Variants in DPP10 observed in about 807,000 individuals in gnomAD.
DPP10 encodes inactive dipeptidyl peptidase 10.
In DPP10, 33 loss-of-function variants were observed where a neutral mutation model predicts 120.9. The observed-to-expected ratio is 0.27, with a 90% confidence interval of 0.21 to 0.37. The LOEUF (loss-of-function observed/expected upper bound fraction) is 0.37, where lower values mean the gene tolerates loss of function less well. Ranked by LOEUF, DPP10 falls within the 10% of genes least tolerant of loss-of-function variation. The pLI, the probability that DPP10 is intolerant of heterozygous loss-of-function variation, is 1.00. For missense variants in DPP10, 816 were observed against 942.8 expected (o/e 0.87, Z 1.76); for synonymous variants, 337 against 326.1 (o/e 1.03, Z -0.36).
chr2:115,291,298 C>T (rs2060644302), intron 1 of DPP10, among the ~76,000 whole-genome samples: 1 of 152,126 alleles, frequency 6.6e-6, no homozygotes, highest in South Asian at 2.1e-4. Context: ...GCCATGGCAT[C>T]CCACCTCTGC....
At chr2:115,266,136 T>A (rs1308999329) in intron 1 of DPP10, among the ~76,000 whole-genome samples, 2 of 152,174 alleles carry the variant, frequency 1.3e-5, no homozygotes, top group African/African-American at 4.8e-5. Context: ...TTAGAAGCTC[T>A]GTAATAGTTT....
chr2:114,452,418 A>G (rs897230932), intron 1 of DPP10, among the ~76,000 whole-genome samples: 1 of 152,188 alleles, frequency 6.6e-6, no homozygotes, highest in Non-Finnish European at 1.5e-5. Context: ...GGAAAAATTA[A>G]AGTGCATTTG....
intron 1 of DPP10, among the ~76,000 whole-genome samples, chr2:114,779,209 G>A (rs778545439): frequency 6.6e-6 from 1 of 152,180 alleles, no homozygotes; most frequent in Non-Finnish European, 1.5e-5. Flanking sequence ...TCCTGGATGT[G>A]GATGTGGACA....
chr2:115,005,832 G>A (rs1312923490), intron 1 of DPP10, among the ~76,000 whole-genome samples: 2 of 152,214 alleles, frequency 1.3e-5, no homozygotes, highest in African/African-American at 4.8e-5. Context: ...ATCTAGCAAG[G>A]CAGGCCAACA....
At chr2:114,963,168 C>A (rs1698772293) in intron 1 of DPP10, among the ~76,000 whole-genome samples, 1 of 152,098 alleles carries the variant, frequency 6.6e-6, no homozygotes, top group Non-Finnish European at 1.5e-5. Flanking sequence ...TAGTTACAAC[C>A]AGCTTTCAGG....
chr2:115,777,879 T>A, intron 15 of DPP10, 45 bp downstream of exon 15: 1 of 1,582,912 alleles, frequency 6.3e-7, no homozygotes, highest in East Asian at 2.2e-5. Context: ...GGCTTCTCAA[T>A]GGCTATCTAT....
intron 1 of DPP10, among the ~76,000 whole-genome samples, chr2:115,213,810 T>G (rs910366674): frequency 1.3e-5 from 2 of 152,116 alleles, no homozygotes; most frequent in Admixed American, 1.3e-4. Flanking sequence ...AATGAGAAGC[T>G]TAGGCCTATA....
intron 13 of DPP10, 71 bp from the exon 14 acceptor site, chr2:115,777,137 G>T: frequency 7.4e-7 from 1 of 1,346,856 alleles, no homozygotes; most frequent in Non-Finnish European, 1.1e-6. Flanking sequence ...ACAAGCAGTT[G>T]GTACATTCGT....
chr2:114,531,322 C>A (rs1685961417), intron 1 of DPP10, among the ~76,000 whole-genome samples: 1 of 151,988 alleles, frequency 6.6e-6, no homozygotes, highest in Non-Finnish European at 1.5e-5. Context: ...AAGAATTTCT[C>A]TGAAGACTTC....
At chr2:114,625,588 C>T (rs1694450318) in intron 1 of DPP10, among the ~76,000 whole-genome samples, 1 of 151,870 alleles carries the variant, frequency 6.6e-6, no homozygotes, top group African/African-American at 2.4e-5. Flanking sequence ...TTGATAATTA[C>T]CCTTTATTTA....
At chr2:115,513,110 G>A (rs747734233) in intron 4 of DPP10, among the ~76,000 whole-genome samples, 1 of 151,612 alleles carries the variant, frequency 6.6e-6, no homozygotes, top group Non-Finnish European at 1.5e-5. Context: ...TGATAGAATG[G>A]CCCTTTTATT....
chr2:115,761,260 G>A, intron 11 of DPP10, among the ~76,000 whole-genome samples: 1 of 152,018 alleles, frequency 6.6e-6, no homozygotes. Context: ...AAAAATTAAA[G>A]TAAAAATTTA....
At chr2:115,227,115 A>G (rs1246241676) in intron 1 of DPP10, among the ~76,000 whole-genome samples, 1 of 152,156 alleles carries the variant, frequency 6.6e-6, no homozygotes, top group African/African-American at 2.4e-5. Context: ...ACCTAACATC[A>G]AGATATTTGC....
intron 1 of DPP10, among the ~76,000 whole-genome samples, chr2:114,571,799 T>C (rs1301170864): frequency 2.7e-5 from 4 of 150,074 alleles, no homozygotes; most frequent in Non-Finnish European, 5.9e-5. Flanking sequence ...ACAATATTTA[T>C]ACTACATATA....
intron 1 of DPP10, among the ~76,000 whole-genome samples, chr2:114,454,997 G>C (rs142043543): frequency 6.6e-6 from 1 of 152,120 alleles, no homozygotes; most frequent in South Asian, 2.1e-4. Context: ...GCCATCCAAT[G>C]TGGGGAATGC....
chr2:114,574,181 C>A (rs2105035621), intron 1 of DPP10, among the ~76,000 whole-genome samples: 1 of 152,208 alleles, frequency 6.6e-6, no homozygotes, highest in South Asian at 2.1e-4. Context: ...TTTATATTAC[C>A]CGCCTCATGT....
intron 1 of DPP10, among the ~76,000 whole-genome samples, chr2:114,810,931 CAGAA>C (rs1558764729): frequency 6.6e-6 from 1 of 152,164 alleles, no homozygotes; most frequent in East Asian, 1.9e-4. Context: ...AGAGGCACAA[CAGAA>C]AGGGCACCAT....
intron 19 of DPP10, among the ~76,000 whole-genome samples, chr2:115,810,545 CCATA>C (rs1398901851): frequency 6.6e-6 from 1 of 152,010 alleles, no homozygotes; most frequent in African/African-American, 2.4e-5. Flanking sequence ...GTGAACTCAT[CCATA>C]CAGACACATT....
chr2:115,789,250 G>A (rs6740575), intron 17 of DPP10, among the ~76,000 whole-genome samples: 5,255 of 152,166 alleles, frequency 0.035, 307 homozygotes, highest in African/African-American at 0.12. Flanking sequence ...CTAAATAATA[G>A]CAAGTCAAAC....
Sources: gnomAD v4.1 joint callset for allele counts (sites outside exome capture counted in the v4.1 genomes callset) on GRCh38, gnomAD v4.1.1 for gene constraint, MANE v1.5 for transcripts, NCBI Gene and HGNC (gene_info 2026-07-23, HGNC 2026-07-21) for gene names.